The following MUC5B variants were observed in gnomAD, a reference collection of about 807,000 sequenced individuals.
MUC5B encodes mucin-5B.
A neutral mutation model predicts 376.9 loss-of-function variants in MUC5B; 116 were observed. The observed-to-expected ratio is 0.31, with a 90% CI of 0.26 to 0.36. The LOEUF (loss-of-function observed/expected upper bound fraction) is 0.36. MUC5B is among the 10% of genes least tolerant of loss of function. The pLI is 1.00. For missense variants in MUC5B, 7,165 were observed against 7,769.9 expected, an observed-to-expected ratio of 0.92 and a Z score of 2.93; for synonymous variants, 3,517 against 3,390.9, an observed-to-expected ratio of 1.04 and a Z score of -1.29.
Position 1,253,090 on chromosome 11 carries a change from GAA to G in MUC5B, c.15217+111_15217+112del, listed in dbSNP as rs1234385698. ...GTGGGGCACAGTGGGGTGCAGTGGG[GAA>G]TGGTGGGGCATGGTGGGGCATGGTG... is the stretch of plus-strand genomic sequence containing the variant. On this transcript the variant is annotated intron_variant, in intron 33 of 48. Coordinates refer to ENST00000529681, the MANE Select transcript of MUC5B (RefSeq NM_002458.3). The surrounding 1 kb of genome is among the most constrained non-coding windows in gnomAD (Gnocchi z 4.3). The G allele has an allele frequency of 6.4e-5, 55 of 858,128 alleles. 1 individual carries two copies. The South Asian group carries it at 6.5e-4, about 10-fold the overall frequency. 53.2% of individuals were successfully genotyped at this position (858,128 alleles called of 1,614,324 possible). A position where few individuals can be genotyped will look rare whatever the true frequency, so the allele number is the denominator to read the frequency against.
rs201091865 is a variant in MUC5B, at chr11:1,240,290, C to G, written c.3885C>G (p.Ile1295Met). Residue 1295 changes from isoleucine (I) to methionine (M), a missense_variant, in exon 30 of 49, where the codon ATC (isoleucine) becomes ATG (methionine). Coordinates refer to ENST00000529681, the MANE Select transcript of MUC5B (RefSeq NM_002458.3). The part of the protein sequence containing the change: ...LIAICGSNGT[I>M]IRKAVACPGT... ...CCATCTGCGGAAGCAACGGCACCAT[C>G]ATCAGGAAGGCTGTGGCATGTCCTG... 1.5e-4 allele frequency: 235 copies of G among 1,613,728 alleles called. No homozygotes were observed. The African/African-American group carries it at 2.5e-3, about 17-fold the overall frequency.
chr11:1,239,398 C>A, intron 26 of MUC5B, 40 bp from the exon 27 acceptor site: 1 of 1,580,846 alleles, frequency 6.3e-7, no homozygotes, highest in Non-Finnish European at 8.6e-7. Context: ...GGGGTGAGGG[C>A]TGGTGGGCGC....
At position 1,227,028 on chromosome 11, in the gene MUC5B, C is replaced by T. The variant is rs779318159; in HGVS notation, c.462-3C>T. On this transcript the variant is annotated splice_polypyrimidine_tract_variant and splice_region_variant and intron_variant, in intron 4 of 48. Coordinates refer to ENST00000529681, the MANE Select transcript of MUC5B (RefSeq NM_002458.3). The stretch of plus-strand genomic sequence containing the variant: ...CCAGGGAGAGACCCCGCTGTCTGCG[C>T]AGGGAGGAGCTGCCTTACAGCCGCA... The T allele has an allele frequency of 6.2e-7, 1 of 1,606,834 alleles. No homozygotes were observed. Among genetic ancestry groups the T allele is most frequent in the Non-Finnish European group, 8.5e-7 (1 of 1,176,462 alleles).
intron 32 of MUC5B, 135 bp downstream of exon 32, chr11:1,252,659 C>A: frequency 1.5e-6 from 2 of 1,370,416 alleles, no homozygotes; most frequent in Non-Finnish European, 1.9e-6. Flanking sequence ...AGGAGGCACA[C>A]AGGGCCTAGG....
rs370383296 is a variant in MUC5B, at chr11:1,234,544, G to A, written c.2494G>A (p.Val832Met). The change falls in exon 21 of 49, where the codon GTG becomes ATG. Residue 832 changes from valine (V) to methionine (M), a missense_variant. Transcript: ENST00000529681. The surrounding 1 kb of genome is among the most constrained non-coding windows in gnomAD (Gnocchi z 6.3). The stretch of plus-strand genomic sequence containing the variant: ...GGCCCCACAGTTCAGCACACACTGC[G>A]TGTCCGGCTGTGTCTGTCCCCCGGG... The part of the protein sequence containing the change: ...LDVGCFSTHC[V>M]SGCVCPPGLV... 5.1e-6 allele frequency: 8 copies of A among 1,580,926 alleles called. No homozygotes were observed. In the African/African-American group the frequency reaches 6.7e-5, roughly 13 times the overall value.
At position 1,244,671 on chromosome 11, in the gene MUC5B, C is replaced by T. The variant is rs370358409; in HGVS notation, c.7791C>T (p.Ser2597=). The change falls in exon 31 of 49, where the codon TCC becomes TCT. Residue 2597 remains serine, a synonymous_variant. Coordinates refer to ENST00000529681, the MANE Select transcript of MUC5B (RefSeq NM_002458.3). ...CCACCGGCTCTGTGGCCACCCCCTC[C>T]TCCACCCCAGGAACAGCTCACACTA... The part of the protein sequence containing the change: ...TGATGSVATP[S]STPGTAHTTK... 2.5e-4 allele frequency: 399 copies of T among 1,612,114 alleles called. 3 individuals carry two copies. The South Asian group carries it at 3.3e-3, about 13-fold the overall frequency.
chr11:1,225,146 C>T (rs761863522), intron 1 of MUC5B, among the ~76,000 whole-genome samples: 13 of 152,246 alleles, frequency 8.5e-5, no homozygotes, highest in Non-Finnish European at 1.9e-4. Context: ...CTGCCCCACT[C>T]GCCCTGACTT....
At position 1,248,727 on chromosome 11, in the gene MUC5B, C is replaced by G. The variant is rs1181606745; in HGVS notation, c.11847C>G (p.Thr3949=). Residue 3949 remains threonine, a synonymous_variant, in exon 31 of 49, where the codon ACC becomes ACG. Transcript: ENST00000529681. The part of the protein sequence containing the change: ...QTSGTPPSLI[T]TATTITATGS... Reference sequence around the variant, plus strand: ...GTGGTACTCCCCCATCACTGATCACCACGGCCACTACGATCACGGCCACCG... The same window carrying G: ...GTGGTACTCCCCCATCACTGATCACGACGGCCACTACGATCACGGCCACCG... The G allele has an allele frequency of 1.3e-6, 2 of 1,565,046 alleles. No individual in the cohort carries two copies. The highest frequency in any genetic ancestry group is 1.7e-6 in the Non-Finnish European group (2 of 1,155,226).
chr11:1,251,043 C>T lies in MUC5B; in HGVS notation c.14163C>T (p.Ser4721=), dbSNP rs372905024. 5.4e-4 allele frequency: 864 copies of T among 1,611,496 alleles called. 18 individuals carry two copies. In the African/African-American group the frequency reaches 0.011, roughly 20 times the overall value. Residue 4721 remains serine (S), a synonymous_variant, in exon 31 of 49, where the codon TCC becomes TCT. Transcript: ENST00000529681. ...STATTPAATS[S]KATSSSSPRT... ...CCACCACACCCGCAGCCACCAGCTC[C>T]AAAGCCACTTCCTCCTCCAGTCCAA...
rs774951974 is a variant in MUC5B, at chr11:1,233,035, C to T, written c.2088C>T (p.Pro696=). 8.1e-6 allele frequency: 13 copies of T among 1,599,098 alleles called. No individual in the cohort carries two copies. Among genetic ancestry groups the T allele is most frequent in the African/African-American group, 1.3e-5 (1 of 74,906 alleles). The change falls in exon 18 of 49, where the codon CCC becomes CCT. Residue 696 remains proline, a synonymous_variant. Coordinates refer to ENST00000529681, the MANE Select transcript of MUC5B (RefSeq NM_002458.3). The part of the protein sequence containing the change: ...GVCTKYMQNC[P]KSQRYAYVVD... ...CAGCCAAGTACATGCAGAACTGCCC[C>T]AAGTCCCAGCGCTACGCCTACGTGG... is the stretch of plus-strand genomic sequence containing the variant.
In MUC5B at chr11:1,249,617, C is replaced by T. The variant is rs375840216; in HGVS notation, c.12737C>T (p.Thr4246Met). The change falls in exon 31 of 49, where the codon ACG (threonine) becomes ATG (methionine). Residue 4246 changes from threonine to methionine, a missense_variant. Thr to Met is a moderately conservative substitution (Grantham distance 81). Around this residue, in one of 31 missense-constraint regions of MUC5B, gnomAD observed 431 missense variants for 390.4 expected, o/e 1.10. Transcript: ENST00000529681. ...GCCATGCCCTCCTCCACTCCGGGGA[C>T]GACCTGGATCCTCACAGAGCTGACC... ...STAMPSSTPG[T>M]TWILTELTTT... The T allele has an allele frequency of 1.6e-4, 258 of 1,611,876 alleles. 2 individuals carry two copies. Among genetic ancestry groups the T allele is most frequent in the South Asian group, 5.8e-4 (53 of 91,056 alleles).
chr11:1,248,526 G>C lies in MUC5B; in HGVS notation c.11646G>C (p.Gly3882=). ...GFTVTPSSSP[G]TARTPPVWIS... is the part of the protein sequence containing the mutation. ...CAGTCACCCCCTCCTCCAGCCCAGGGACGGCACGCACGCCTCCAGTGTGGA... is the reference window on the plus strand; with the variant it reads ...CAGTCACCCCCTCCTCCAGCCCAGGCACGGCACGCACGCCTCCAGTGTGGA... The change falls in exon 31 of 49, where the codon GGG becomes GGC. Residue 3882 remains glycine (G), a synonymous_variant. Coordinates refer to ENST00000529681, the MANE Select transcript of MUC5B (RefSeq NM_002458.3). 1 of 1,612,824 alleles carries C rather than the reference G, an allele frequency of 6.2e-7. No homozygotes were observed. Among genetic ancestry groups the C allele is most frequent in the Non-Finnish European group, 8.5e-7 (1 of 1,179,570 alleles).
At position 1,231,474 on chromosome 11, in the gene MUC5B, G is replaced by A. The variant is rs779175387; in HGVS notation, c.1592G>A (p.Gly531Asp). The A allele has an allele frequency of 6.2e-6, 10 of 1,611,110 alleles. No homozygotes were observed. The South Asian group carries it at 9.9e-5, about 16-fold the overall frequency. ...AGCTTCTTCATCGTGGTGCAGACAG[G>A]CCTGGGGCTGCAGCTGCTGGTGCAG... ...PSSFFIVVQT[G>D]LGLQLLVQLV... Residue 531 changes from glycine to aspartate, a missense_variant, in exon 14 of 49, where the codon GGC becomes GAC. Physicochemically the swap from Gly to Asp is moderately conservative, Grantham distance 94 (BLOSUM62 -1). This residue lies in a region of MUC5B where 640 missense variants were observed against 733.0 expected (regional missense o/e 0.87). Transcript: ENST00000529681.
At position 1,261,909 on chromosome 11, in the gene MUC5B, C is replaced by T. The variant is rs1185506430; in HGVS notation, c.*301C>T. Reference sequence around the variant, plus strand: ...CTGGAACAAACTAAGCATGTGCGGGCCTATGTGTCCCTGCCACGGCCGGAG... The same window carrying T: ...CTGGAACAAACTAAGCATGTGCGGGTCTATGTGTCCCTGCCACGGCCGGAG... On this transcript the variant is annotated 3_prime_UTR_variant, in exon 49 of 49. Transcript: ENST00000529681. The T allele has an allele frequency of 9.6e-6, 6 of 625,288 alleles. No individual in the cohort carries two copies. The East Asian group carries it at 1.6e-4, about 17-fold the overall frequency. 38.7% of individuals were successfully genotyped at this position (625,288 alleles called of 1,614,324 possible).
chr11:1,240,518 C>T (rs1862256969), intron 30 of MUC5B, 143 bp downstream of exon 30: 7 of 761,530 alleles, frequency 9.2e-6, no homozygotes, highest in Non-Finnish European at 1.2e-5. Flanking sequence ...GTGCACGGCC[C>T]CTCAACACCC....
In MUC5B at chr11:1,260,409, C is replaced by G; in HGVS notation, c.16966+16C>G. The G allele has an allele frequency of 6.2e-7, 1 of 1,612,330 alleles. No homozygotes were observed. Among genetic ancestry groups the G allele is most frequent in the South Asian group, 1.1e-5 (1 of 91,088 alleles). ...TGTGAGGAGGGTAAGTGGAAGCCAC[C>G]TTCCCACACCAGCCCTCCAGCTCCA... is the stretch of plus-strand genomic sequence containing the variant. On this transcript the variant is annotated intron_variant, in intron 47 of 48. Transcript: ENST00000529681.
In MUC5B at chr11:1,250,760, C is replaced by A. The variant is rs375254565; in HGVS notation, c.13880C>A (p.Thr4627Asn). 21 of 1,612,486 alleles carry A rather than the reference C, an allele frequency of 1.3e-5. No individual in the cohort carries two copies. The highest frequency in any genetic ancestry group is 1.4e-5 in the Non-Finnish European group (17 of 1,179,160). Reference protein sequence around the residue: ...VWISTTTTPTTTTPTTSGSTV... With the variant: ...VWISTTTTPTNTTPTTSGSTV... ...ATCAGCACAACCACCACACCCACAACCACCACACCCACAACCAGTGGCTCC... is the reference window on the plus strand; with the variant it reads ...ATCAGCACAACCACCACACCCACAAACACCACACCCACAACCAGTGGCTCC... The change falls in exon 31 of 49, where the codon ACC (threonine) becomes AAC (asparagine). Residue 4627 changes from threonine (T) to asparagine (N), a missense_variant. By Grantham distance (65) the Thr-to-Asn change is moderately conservative. Transcript: ENST00000529681.
In MUC5B at chr11:1,240,922, C is replaced by T. The variant is rs746643198; in HGVS notation, c.4042C>T (p.Arg1348Cys). 5.0e-5 allele frequency: 81 copies of T among 1,612,876 alleles called. No individual in the cohort carries two copies. The highest frequency in any genetic ancestry group is 2.1e-4 in the South Asian group (19 of 91,078). Reference protein sequence around the residue: ...CRWSSWYNGHRPEPGLGGGDF... With the variant: ...CRWSSWYNGHCPEPGLGGGDF... ...CTGGTCCAGCTGGTACAATGGGCACCGCCCAGAGCCCGGCCTGGGAGGCGG... is the reference window on the plus strand; with the variant it reads ...CTGGTCCAGCTGGTACAATGGGCACTGCCCAGAGCCCGGCCTGGGAGGCGG... Residue 1348 changes from arginine to cysteine, a missense_variant, in exon 31 of 49, where the codon CGC becomes TGC. Physicochemically the swap from Arg to Cys is radical, Grantham distance 180 (BLOSUM62 -3). This residue lies in a region of MUC5B where 517 missense variants were observed against 545.3 expected (regional missense o/e 0.95). Transcript: ENST00000529681.
chr11:1,239,648 G>A (rs2735732), intron 27 of MUC5B, 82 bp downstream of exon 27: 16 of 1,505,106 alleles, frequency 1.1e-5, no homozygotes, highest in East Asian at 2.3e-5. Context: ...CCCCAGGGAC[G>A]CGGTGTAGGC....
Sources: gnomAD v4.1 joint callset for allele counts (sites outside exome capture counted in the v4.1 genomes callset) on GRCh38, gnomAD v4.1.1 for gene constraint, gnomAD v4.1.1 regional missense constraint, Gnocchi (gnomAD v3.1) non-coding constraint, MANE v1.5 for transcripts, NCBI Gene and HGNC (gene_info 2026-07-23, HGNC 2026-07-21) for gene names.